Variants in SLC36A3 observed in about 807,000 individuals in gnomAD.
SLC36A3 encodes the protein proton-coupled amino acid transporter 3.
Under a neutral mutation model 44.3 loss-of-function variants are expected in SLC36A3, and 35 were observed. That is an observed-to-expected ratio of 0.79 (90% CI 0.60 to 1.05). SLC36A3 has a LOEUF of 1.05. Ranked by LOEUF, SLC36A3 falls within the 50% of genes least tolerant of loss-of-function variation. SLC36A3 has a pLI of 0.00. For missense variants in SLC36A3, 540 were observed against 578.7 expected (o/e 0.93, Z 0.69); for synonymous variants, 211 against 227.6 (o/e 0.93, Z 0.66).
At chr5:151,283,203 G>A (rs1387417157) in intron 8 of SLC36A3, among the ~76,000 whole-genome samples, 16 of 152,314 alleles carry the variant, frequency 1.1e-4, no homozygotes, top group South Asian at 6.2e-4. Context: ...ATCTTTCTGA[G>A]CATCTCTTTA....
At position 151,293,352 on chromosome 5, in the gene SLC36A3, T is replaced by A. The variant is rs771889778; in HGVS notation, c.404+12A>T. The A allele has an allele frequency of 1.1e-5, 17 of 1,605,226 alleles. No homozygotes were observed. Among genetic ancestry groups the A allele is most frequent in the Non-Finnish European group, 1.4e-5 (17 of 1,175,050 alleles). ...TTTTTGTTGTTACTACTACAACATC[T>A]GTGACTACTACCTTCCCCACACTGC... On this transcript the variant is annotated intron_variant, in intron 4 of 9. Transcript: ENST00000335230.
chr5:151,292,685 TA>T (rs2127266470), intron 4 of SLC36A3, among the ~76,000 whole-genome samples: 1 of 152,150 alleles, frequency 6.6e-6, no homozygotes, highest in South Asian at 2.1e-4. Flanking sequence ...CTGTGAGCCT[TA>T]AAAAATAATG....
chr5:151,302,530 A>G (rs1343362256), intron 1 of SLC36A3, among the ~76,000 whole-genome samples: 1 of 135,588 alleles, frequency 7.4e-6, no homozygotes, highest in Non-Finnish European at 1.6e-5. Flanking sequence ...ATGAGAACAC[A>G]TGGACACAGG....
Position 151,298,688 on chromosome 5 carries a change from G to C in SLC36A3, c.129-5C>G. The C allele has an allele frequency of 1.2e-6, 2 of 1,613,810 alleles. No individual in the cohort carries two copies. The highest frequency in any genetic ancestry group is 1.7e-6 in the Non-Finnish European group (2 of 1,179,840). ...TGGATCAAAGTTTGCATCATCCTGTGGTGGGGAGAGTAGGGAGACAGAGGG... is the reference window on the plus strand; with the variant it reads ...TGGATCAAAGTTTGCATCATCCTGTCGTGGGGAGAGTAGGGAGACAGAGGG... On this transcript the variant is annotated splice_region_variant and splice_polypyrimidine_tract_variant and intron_variant, in intron 1 of 9. Transcript: ENST00000335230.
In SLC36A3 at chr5:151,293,361, T is replaced by G; in HGVS notation, c.404+3A>C. ...TTACTACTACAACATCTGTGACTAC[T>G]ACCTTCCCCACACTGCATGGGCCCT... On this transcript the variant is annotated splice_donor_region_variant and intron_variant, in intron 4 of 9. Coordinates refer to ENST00000335230, the MANE Select transcript of SLC36A3 (RefSeq NM_181774.4). 1.9e-6 allele frequency: 3 copies of G among 1,609,986 alleles called. No individual in the cohort carries two copies. The highest frequency in any genetic ancestry group is 2.5e-6 in the Non-Finnish European group (3 of 1,177,396).
intron 9 of SLC36A3, among the ~76,000 whole-genome samples, chr5:151,280,451 C>A (rs897657834): frequency 2.0e-5 from 3 of 152,140 alleles, no homozygotes; most frequent in African/African-American, 7.2e-5. Context: ...GAGACTCTGT[C>A]TCAAATAAAT....
At chr5:151,299,881 GCAT>G (rs1755111232) in intron 1 of SLC36A3, among the ~76,000 whole-genome samples, 1 of 152,188 alleles carries the variant, frequency 6.6e-6, no homozygotes, top group African/African-American at 2.4e-5. Flanking sequence ...ACAGATGTGA[GCAT>G]CATCATCGTC....
intron 4 of SLC36A3, 48 bp downstream of exon 4, chr5:151,293,316 T>C (rs371634724): frequency 8.1e-6 from 12 of 1,480,356 alleles, no homozygotes; most frequent in Non-Finnish European, 1.1e-5. Context: ...TAAAGAAAAG[T>C]GATATGATGA....
chr5:151,277,436 G>T lies in SLC36A3; in HGVS notation c.1370C>A (p.Pro457His), dbSNP rs765625614. The T allele has an allele frequency of 3.7e-6, 6 of 1,614,172 alleles. No individual in the cohort carries two copies. The highest frequency in any genetic ancestry group is 5.1e-6 in the Non-Finnish European group (6 of 1,180,024). The change falls in exon 10 of 10, where the codon CCC becomes CAC. Residue 457 changes from proline (P) to histidine (H), a missense_variant. Physicochemically the swap from Pro to His is moderately conservative, Grantham distance 77 (BLOSUM62 -2). Coordinates refer to ENST00000335230, the MANE Select transcript of SLC36A3 (RefSeq NM_181774.4). ...GGAGTTGGCCATGGAATGGCTGATG[G>T]GTTGGGGCAACTCATAGAGGGCTTG... ...TYQALYELPQ[P>H]ISHSMANSTG...
In SLC36A3 at chr5:151,281,149, C is replaced by T. The variant is rs151230457; in HGVS notation, c.1009G>A (p.Gly337Ser). The T allele has an allele frequency of 2.6e-4, 418 of 1,613,494 alleles. No homozygotes were observed. The highest frequency in any genetic ancestry group is 3.4e-4 in the Non-Finnish European group (397 of 1,179,712). ...YQSVKLMYSI[G>S]IFFTYALQFH... ...TGGAGGGCATAGGTGAAGAAGATGC[C>T]GATAGAGTACATCAGCTTGACTGAC... The change falls in exon 9 of 10, where the codon GGC (glycine) becomes AGC (serine). Residue 337 changes from glycine (G) to serine (S), a missense_variant. Coordinates refer to ENST00000335230, the MANE Select transcript of SLC36A3 (RefSeq NM_181774.4).
chr5:151,287,120 G>A, intron 6 of SLC36A3, 126 bp downstream of exon 6: 1 of 826,358 alleles, frequency 1.2e-6, no homozygotes, highest in Non-Finnish European at 1.8e-6. Flanking sequence ...ATGTCATGTT[G>A]GCAGGGGCTG....
At chr5:151,295,694 T>G (rs1203733432) in intron 3 of SLC36A3, among the ~76,000 whole-genome samples, 1 of 152,246 alleles carries the variant, frequency 6.6e-6, no homozygotes, top group African/African-American at 2.4e-5. Flanking sequence ...CATTGATTAT[T>G]ATAAGTATGC....
At chr5:151,299,260 C>CTATATA (rs1418346991) in intron 1 of SLC36A3, among the ~76,000 whole-genome samples, 24 of 65,458 alleles carry the variant, frequency 3.7e-4, no homozygotes, top group African/African-American at 1.2e-3. Context: ...CTCTCTCTCT[C>CTATATA]TCTCTATATA....
At position 151,287,277 on chromosome 5, in the gene SLC36A3, C is replaced by G. The variant is rs1248545845; in HGVS notation, c.677G>C (p.Ser226Thr). ...STLANITTLGSMALIFEYIME... is the reference protein window; with the variant it reads ...STLANITTLGTMALIFEYIME... ...GATATACTCAAAGATCAGAGCCATGCTCCCAAGGGTGGTGATGTTGGCCAA... is the reference window on the plus strand; with the variant it reads ...GATATACTCAAAGATCAGAGCCATGGTCCCAAGGGTGGTGATGTTGGCCAA... The change falls in exon 6 of 10, where the codon AGC becomes ACC. Residue 226 changes from serine to threonine, a missense_variant. Physicochemically the swap from Ser to Thr is moderately conservative, Grantham distance 58. Transcript: ENST00000335230. 6.2e-7 allele frequency: 1 copy of G among 1,614,002 alleles called. No individual in the cohort carries two copies. Among genetic ancestry groups the G allele is most frequent in the East Asian group, 2.2e-5 (1 of 44,898 alleles).
At chr5:151,292,517 C>G (rs898070954) in intron 4 of SLC36A3, among the ~76,000 whole-genome samples, 2 of 152,150 alleles carry the variant, frequency 1.3e-5, no homozygotes, top group South Asian at 2.1e-4. Flanking sequence ...AAAAACCCAC[C>G]CTGCCTACCT....
chr5:151,287,191 C>T (rs1561632318), intron 6 of SLC36A3, 55 bp downstream of exon 6: 2 of 1,575,112 alleles, frequency 1.3e-6, no homozygotes. Context: ...AAACCCTCCT[C>T]CCCAGGTGTT....
At chr5:151,294,226 G>C (rs1754871829) in intron 3 of SLC36A3, among the ~76,000 whole-genome samples, 2 of 152,220 alleles carry the variant, frequency 1.3e-5, no homozygotes. Flanking sequence ...GATTTTGGGG[G>C]AAGAGACAGT....
At chr5:151,282,111 G>GTTTTTTTTTTTT (rs70976011) in intron 8 of SLC36A3, among the ~76,000 whole-genome samples, 6 of 56,100 alleles carry the variant, frequency 1.1e-4, no homozygotes, top group African/African-American at 2.0e-4. Flanking sequence ...CTTTTTCTTT[G>GTTTTTTTTTTTT]TTTTTTTTTT....
rs1754578714 is a variant in SLC36A3, at chr5:151,287,392, C to T, written c.562G>A (p.Asp188Asn). Residue 188 changes from aspartate to asparagine, a missense_variant, in exon 6 of 10, where the codon GAC becomes AAC. Coordinates refer to ENST00000335230, the MANE Select transcript of SLC36A3 (RefSeq NM_181774.4). The stretch of plus-strand genomic sequence containing the variant: ...ATTATCAGCATGTAGAAACGAATGT[C>T]CAGGATGGGGGTCAGCGTCAGAATC... Reference protein sequence around the residue: ...REILTLTPILDIRFYMLIILP... With the variant: ...REILTLTPILNIRFYMLIILP... The T allele has an allele frequency of 6.2e-7, 1 of 1,614,094 alleles. No individual in the cohort carries two copies. Among genetic ancestry groups the T allele is most frequent in the Non-Finnish European group, 8.5e-7 (1 of 1,180,004 alleles).
Sources: allele counts gnomAD v4.1 joint callset (sites outside exome capture counted in the v4.1 genomes callset), GRCh38; gene constraint gnomAD v4.1.1; transcripts MANE v1.5; gene names NCBI Gene and HGNC (gene_info 2026-07-23, HGNC 2026-07-21).